The following RASD2 variants were observed in gnomAD, a reference collection of about 807,000 sequenced individuals.
The protein encoded by RASD2 is GTP-binding protein Rhes.
In RASD2, 7 loss-of-function variants were observed where a neutral mutation model predicts 15.8. That is an observed-to-expected ratio of 0.44 (90% CI 0.25 to 0.83). The LOEUF is 0.83. RASD2 is among the 40% of genes least tolerant of loss of function. The pLI is 0.20. For synonymous variants in RASD2, 155 were observed against 153.6 expected, an observed-to-expected ratio of 1.01 and a Z score of -0.07; for missense variants, 274 against 382.8, an observed-to-expected ratio of 0.72 and a Z score of 2.37.
upstream of RASD2, among the ~76,000 whole-genome samples, chr22:35,537,087 T>A (rs1309274045): frequency 7.9e-5 from 12 of 151,882 alleles, no homozygotes; most frequent in African/African-American, 2.9e-4. Flanking sequence ...CGTGTGCTTT[T>A]TTTCCTATTG....
chr22:35,552,333 T>G lies in RASD2; in HGVS notation c.*301T>G. 1 of 442,562 alleles carries G rather than the reference T, an allele frequency of 2.3e-6. No homozygotes were observed. Among genetic ancestry groups the G allele is most frequent in the Non-Finnish European group, 4.1e-6 (1 of 245,850 alleles). 27.4% of individuals were successfully genotyped at this position (442,562 alleles called of 1,614,324 possible). On this transcript the variant is annotated 3_prime_UTR_variant, in exon 3 of 3. Transcript: ENST00000216127. Reference sequence around the variant, plus strand: ...CTTCCTCTCCTGGGGTTGGAAGAAATGTTGATGCCAGAGGGGTGAGGATTG... The same window carrying G: ...CTTCCTCTCCTGGGGTTGGAAGAAAGGTTGATGCCAGAGGGGTGAGGATTG...
intron 1 of RASD2, among the ~76,000 whole-genome samples, chr22:35,545,722 G>A (rs931645138): frequency 6.6e-6 from 1 of 152,134 alleles, no homozygotes; most frequent in African/African-American, 2.4e-5. Context: ...GGAAGAGGGT[G>A]TTCTGCAGAG....
Position 35,552,228 on chromosome 22 carries a change from A to C in RASD2, c.*196A>C. 1 of 672,490 alleles carries C rather than the reference A, an allele frequency of 1.5e-6. No individual in the cohort carries two copies. Among genetic ancestry groups the C allele is most frequent in the South Asian group, 2.0e-5 (1 of 49,992 alleles). The allele number at this position is 672,490 out of a possible 1,614,324, so 41.7% of individuals were successfully genotyped here. A position where few individuals can be genotyped will look rare whatever the true frequency, so the allele number is the denominator to read the frequency against. ...AGCTTTCCTGAGTCCGCTTGTCCAC[A>C]GCTCCTTGGTGGTTTCATCTCCTCT... is the stretch of plus-strand genomic sequence containing the variant. On this transcript the variant is annotated 3_prime_UTR_variant, in exon 3 of 3. Transcript: ENST00000216127.
At chr22:35,538,644 G>T (rs1355401996), upstream of RASD2, among the ~76,000 whole-genome samples, 1 of 152,186 alleles carries the variant, frequency 6.6e-6, no homozygotes, top group African/African-American at 2.4e-5. Flanking sequence ...CACTCCACAT[G>T]CAGCTCCCCT....
At chr22:35,538,250 G>A (rs1264250715), upstream of RASD2, among the ~76,000 whole-genome samples, 3 of 152,184 alleles carry the variant, frequency 2.0e-5, no homozygotes, top group East Asian at 3.8e-4. Context: ...GGGATTATAG[G>A]CGTGAGCCAC....
rs949016574 is a variant in RASD2, at chr22:35,553,411, C to G, written c.*1379C>G. The G allele has an allele frequency of 6.6e-6, 1 of 152,536 alleles. No homozygotes were observed. Among genetic ancestry groups the G allele is most frequent in the Non-Finnish European group, 1.5e-5 (1 of 68,022 alleles). The allele number at this position is 152,536 out of a possible 1,614,324, so 9.4% of individuals were successfully genotyped here. ...AAACCAAAGGCCCTTGTCATCAGCT[C>G]TTAACAAGTATATTTTGTATTTTAA... On this transcript the variant is annotated 3_prime_UTR_variant, in exon 3 of 3. Coordinates refer to ENST00000216127, the MANE Select transcript of RASD2 (RefSeq NM_014310.4).
upstream of RASD2, among the ~76,000 whole-genome samples, chr22:35,539,367 C>T (rs1934291105): frequency 6.6e-6 from 1 of 152,190 alleles, no homozygotes; most frequent in Non-Finnish European, 1.5e-5. Context: ...TGCGTCCTCT[C>T]ATGAGGTAGG....
At position 35,547,161 on chromosome 22, in the gene RASD2, T is replaced by C. The variant is rs191636894; in HGVS notation, c.271+81T>C. 204 of 1,430,330 alleles carry C rather than the reference T, an allele frequency of 1.4e-4. No homozygotes were observed. In the East Asian group the frequency reaches 4.4e-3, roughly 31 times the overall value. The allele number at this position is 1,430,330 out of a possible 1,614,324, so 88.6% of individuals were successfully genotyped here. A position where few individuals can be genotyped will look rare whatever the true frequency, so the allele number is the denominator to read the frequency against. On this transcript the variant is annotated intron_variant, in intron 2 of 2. Coordinates refer to ENST00000216127, the MANE Select transcript of RASD2 (RefSeq NM_014310.4). The stretch of plus-strand genomic sequence containing the variant: ...TGTGCTGGGCACTTGGCAGTTTGCA[T>C]AGACTTGCATAGCCATCGTCTGAGA...
At chr22:35,542,647 C>T (rs1183937800) in intron 1 of RASD2, among the ~76,000 whole-genome samples, 2 of 152,190 alleles carry the variant, frequency 1.3e-5, no homozygotes, top group South Asian at 2.1e-4. Flanking sequence ...GCTGAGTGTG[C>T]ACTGATGGAG....
chr22:35,536,471 G>A (rs1190046512), upstream of RASD2, among the ~76,000 whole-genome samples: 2 of 152,130 alleles, frequency 1.3e-5, no homozygotes, highest in East Asian at 3.9e-4. Flanking sequence ...GACTACAGGC[G>A]CCTGCCATTA....
upstream of RASD2, among the ~76,000 whole-genome samples, chr22:35,539,128 A>C (rs1351333574): frequency 6.6e-6 from 1 of 152,248 alleles, no homozygotes; most frequent in Non-Finnish European, 1.5e-5. Flanking sequence ...GATGTTACAG[A>C]GACAAGCAAA....
In RASD2 at chr22:35,551,343, G is replaced by C. The variant is rs1006460941; in HGVS notation, c.272-160G>C. On this transcript the variant is annotated intron_variant, in intron 2 of 2. Transcript: ENST00000216127. This position sits in a 1 kb window ranked among gnomAD's most constrained non-coding sequence, Gnocchi z 4.9. ...AATAATCGCAGGGAGAATAATCGCAGCTACCCCGAAGAGTCGCTGTGTAGG... is the reference window on the plus strand; with the variant it reads ...AATAATCGCAGGGAGAATAATCGCACCTACCCCGAAGAGTCGCTGTGTAGG... 6.6e-6 allele frequency among the ~76,000 whole-genome samples: 1 copy of C among 152,190 alleles called. No homozygotes were observed. Among genetic ancestry groups the C allele is most frequent in the Non-Finnish European group, 1.5e-5 (1 of 68,026 alleles).
intron 1 of RASD2, 40 bp from the exon 2 acceptor site, chr22:35,546,761 C>G: frequency 1.3e-6 from 2 of 1,590,184 alleles, no homozygotes; most frequent in Non-Finnish European, 1.7e-6. Flanking sequence ...GGGGCCAGGT[C>G]GGGGGGGCCC....
Position 35,541,162 on chromosome 22 carries a change from A to T in RASD2, c.-348A>T, listed in dbSNP as rs1463653582. ...GAGAGCCCCAGGCGGGGACCCCCGG[A>T]TCGGACGTCCCCAAGCCTCCGGGCA... On this transcript the variant is annotated 5_prime_UTR_variant, in exon 1 of 3. Coordinates refer to ENST00000216127, the MANE Select transcript of RASD2 (RefSeq NM_014310.4). The T allele has an allele frequency of 6.6e-6, 1 of 151,978 alleles. No homozygotes were observed. Among genetic ancestry groups the T allele is most frequent in the African/African-American group, 2.4e-5 (1 of 41,346 alleles). 9.4% of individuals were successfully genotyped at this position (151,978 alleles called of 1,614,324 possible).
At chr22:35,534,509 G>A in the RASD2 span, among the ~76,000 whole-genome samples, 4 of 152,194 alleles carry the variant, frequency 2.6e-5, no homozygotes, top group Non-Finnish European at 5.9e-5. Flanking sequence ...TGCAAAGAGT[G>A]GGGGCTCCAT....
At chr22:35,539,944 T>G (rs1232386422), upstream of RASD2, among the ~76,000 whole-genome samples, 1 of 152,208 alleles carries the variant, frequency 6.6e-6, no homozygotes, top group Non-Finnish European at 1.5e-5. Context: ...CCGTCGGCCG[T>G]GGTCTCTGAG....
chr22:35,552,147 GC>G lies in RASD2; in HGVS notation c.*116del. On this transcript the variant is annotated 3_prime_UTR_variant, in exon 3 of 3. Transcript: ENST00000216127. Reference sequence around the variant, plus strand: ...CAGCAGTCTTGTTCACAGACCTTAGGCACCAGACTGGAGGCCCCCGGGCGCT... The same window carrying G: ...CAGCAGTCTTGTTCACAGACCTTAGGACCAGACTGGAGGCCCCCGGGCGCT... The G allele has an allele frequency of 7.3e-7, 1 of 1,364,488 alleles. No individual in the cohort carries two copies. Among genetic ancestry groups the G allele is most frequent in the Non-Finnish European group, 9.8e-7 (1 of 1,022,638 alleles). The allele number at this position is 1,364,488 out of a possible 1,614,324, so 84.5% of individuals were successfully genotyped here. A position where few individuals can be genotyped will look rare whatever the true frequency, so the allele number is the denominator to read the frequency against.
intron 2 of RASD2, among the ~76,000 whole-genome samples, chr22:35,548,124 A>C (rs918285994): frequency 2.0e-5 from 3 of 152,120 alleles, no homozygotes; most frequent in Non-Finnish European, 4.4e-5. Context: ...GGGGGGAAGA[A>C]GGGGTGAGTG....
At chr22:35,538,644 G>C (rs1355401996), upstream of RASD2, among the ~76,000 whole-genome samples, 1 of 152,186 alleles carries the variant, frequency 6.6e-6, no homozygotes, top group Non-Finnish European at 1.5e-5. Flanking sequence ...CACTCCACAT[G>C]CAGCTCCCCT....
Sources: allele counts gnomAD v4.1 joint callset (sites outside exome capture counted in the v4.1 genomes callset), GRCh38; gene constraint gnomAD v4.1.1; non-coding constraint Gnocchi (gnomAD v3.1); transcripts MANE v1.5; gene names NCBI Gene and HGNC (gene_info 2026-07-23, HGNC 2026-07-21).